Variants in AAMDC observed in about 807,000 individuals in gnomAD.
AAMDC encodes the protein adipogenesis associated Mth938 domain containing.
AAMDC carries 16 observed loss-of-function variants against 15.5 expected under a neutral mutation model. The observed-to-expected ratio is 1.03, with a 90% confidence interval of 0.70 to 1.57. The LOEUF is 1.57. Among genes scored for constraint, AAMDC ranks in the 40% most tolerant of loss-of-function variants. The probability of loss-of-function intolerance (pLI) is 0.00; values close to 1 mark genes in which losing one functional copy is unlikely to be tolerated. For missense variants in AAMDC, 141 were observed against 144.9 expected, an observed-to-expected ratio of 0.97 and a Z score of 0.14; for synonymous variants, 51 against 51.6, an observed-to-expected ratio of 0.99 and a Z score of 0.05.
intron 2 of AAMDC, among the ~76,000 whole-genome samples, chr11:77,845,218 C>G (rs1950092860): frequency 6.6e-6 from 1 of 152,072 alleles, no homozygotes; most frequent in South Asian, 2.1e-4. Context: ...TCTTGTGACT[C>G]TCATTATGAA....
intron 1 of AAMDC, among the ~76,000 whole-genome samples, chr11:77,839,285 C>T (rs985133508): frequency 2.0e-5 from 3 of 152,142 alleles, no homozygotes; most frequent in Admixed American, 6.6e-5. Context: ...ACTATAGGTG[C>T]AAAGCCAACA....
intron 2 of AAMDC, among the ~76,000 whole-genome samples, chr11:77,844,653 TG>T (rs1950069521): frequency 6.6e-6 from 1 of 152,168 alleles, no homozygotes. Context: ...TGAGCCATCA[TG>T]CCCAGCCAGA....
Position 77,883,742 on chromosome 11 carries a change from T to C in AAMDC, c.328+6693T>C. 2.2e-6 allele frequency: 3 copies of C among 1,379,890 alleles called. 1 individual carries two copies. Among genetic ancestry groups the C allele is most frequent in the South Asian group, 2.6e-5 (2 of 76,836 alleles). 85.5% of individuals were successfully genotyped at this position (1,379,890 alleles called of 1,614,324 possible). A position where few individuals can be genotyped will look rare whatever the true frequency, so the allele number is the denominator to read the frequency against. ...TTACAAGGCCTGATTCATCCATGTA[T>C]TTTTTTCAAACTTTAAAAACCAAAC... On this transcript the variant is annotated intron_variant, in intron 5 of 5. Coordinates refer to the AAMDC transcript ENST00000304716.
intron 2 of AAMDC, among the ~76,000 whole-genome samples, chr11:77,860,751 A>G (rs1229162523): frequency 6.6e-6 from 1 of 152,184 alleles, no homozygotes; most frequent in Non-Finnish European, 1.5e-5. Context: ...ATTGAGAGTC[A>G]GGATGTACAG....
intron 2 of AAMDC, chr11:77,850,578 C>T (rs944597123): frequency 6.6e-6 from 1 of 152,040 alleles, no homozygotes; most frequent in African/African-American, 2.4e-5. Flanking sequence ...TAAAGAAAAA[C>T]CAATTAGCAG....
At chr11:77,869,091 A>G (rs543581229) in intron 2 of AAMDC, 35 of 279,844 alleles carry the variant, frequency 1.3e-4, no homozygotes, top group African/African-American at 7.0e-4. Flanking sequence ...CACCTGTCTC[A>G]TAGATTCACA....
chr11:77,885,106 C>A (rs1350670584), intron 5 of AAMDC, among the ~76,000 whole-genome samples: 1 of 151,930 alleles, frequency 6.6e-6, no homozygotes, highest in African/African-American at 2.4e-5. Context: ...TTGAGATAGT[C>A]TCACTCTGTC....
At chr11:77,878,938 C>T (rs748853100) in intron 5 of AAMDC, 5 of 1,611,158 alleles carry the variant, frequency 3.1e-6, no homozygotes, top group Non-Finnish European at 3.4e-6. Context: ...GTTGGGAAGA[C>T]TGTTTTTGCC....
intron 2 of AAMDC, among the ~76,000 whole-genome samples, chr11:77,847,006 G>A (rs879280915): frequency 6.6e-6 from 1 of 152,124 alleles, no homozygotes; most frequent in Non-Finnish European, 1.5e-5. Context: ...GGCTGATAGT[G>A]TAAATTTGAG....
chr11:77,837,893 A>C (rs771455884), intron 1 of AAMDC, among the ~76,000 whole-genome samples: 6 of 152,090 alleles, frequency 3.9e-5, no homozygotes, highest in Non-Finnish European at 5.9e-5. Context: ...TGGCTCTAAA[A>C]ATAAATAAAT....
At chr11:77,827,117 A>G (rs1417837424) in intron 1 of AAMDC, among the ~76,000 whole-genome samples, 1 of 146,662 alleles carries the variant, frequency 6.8e-6, no homozygotes, top group Non-Finnish European at 1.5e-5. Context: ...AAAAAAAAAA[A>G]TCGAATTGGG....
intron 2 of AAMDC, among the ~76,000 whole-genome samples, chr11:77,844,975 C>A (rs1037391595): frequency 6.6e-6 from 1 of 152,124 alleles, no homozygotes; most frequent in African/African-American, 2.4e-5. Flanking sequence ...ATAAATCAAC[C>A]ATTAGCATTA....
Position 77,891,322 on chromosome 11 carries a change from G to A in AAMDC, c.329-9249G>A, listed in dbSNP as rs761410185. 1.9e-6 allele frequency: 3 copies of A among 1,609,694 alleles called. No homozygotes were observed. The South Asian group carries it at 3.3e-5, about 18-fold the overall frequency. ...TGAGGACCCAAACCCGACAGACCTG[G>A]ACCTTAACAGTGTTCTGAGGATCCT... On this transcript the variant is annotated intron_variant, in intron 5 of 5. Transcript: ENST00000304716.
chr11:77,885,408 C>T (rs1343431297), intron 5 of AAMDC, among the ~76,000 whole-genome samples: 1 of 152,122 alleles, frequency 6.6e-6, no homozygotes, highest in Non-Finnish European at 1.5e-5. Flanking sequence ...CTACTCCCCA[C>T]TCTAGTTCTA....
chr11:77,881,311 C>A (rs1421534687), intron 5 of AAMDC, among the ~76,000 whole-genome samples: 1 of 152,204 alleles, frequency 6.6e-6, no homozygotes. Context: ...TACGTGGCAG[C>A]ATCCTGCCTC....
intron 1 of AAMDC, among the ~76,000 whole-genome samples, chr11:77,826,466 A>G (rs560966008): frequency 9.5e-4 from 145 of 152,324 alleles, no homozygotes; most frequent in Non-Finnish European, 8.4e-4. Context: ...AACAGGGATA[A>G]TCATCGGCAG....
chr11:77,875,676 A>G (rs1951575009), downstream of AAMDC, among the ~76,000 whole-genome samples: 2 of 152,326 alleles, frequency 1.3e-5, no homozygotes, highest in East Asian at 3.9e-4. Flanking sequence ...AATAAATACT[A>G]TACTATGTGT....
At chr11:77,835,782 G>T (rs907579987) in intron 1 of AAMDC, among the ~76,000 whole-genome samples, 2 of 152,032 alleles carry the variant, frequency 1.3e-5, no homozygotes, top group South Asian at 4.1e-4. Context: ...TTAACCAGGC[G>T]TGGTGGCATG....
At chr11:77,900,632 G>A (rs1000717060) in exon 6 of AAMDC, 2 of 696,344 alleles carry the variant, frequency 2.9e-6, no homozygotes, top group African/African-American at 3.6e-5. Context: ...GTACTTTTTT[G>A]TATCAAATCT....
Sources: gnomAD v4.1 joint callset for allele counts (sites outside exome capture counted in the v4.1 genomes callset) on GRCh38, gnomAD v4.1.1 for gene constraint, MANE v1.5 for transcripts, NCBI Gene and HGNC (gene_info 2026-07-23, HGNC 2026-07-21) for gene names.